ADAM9: variants seen among roughly 807,000 people sequenced by gnomAD.
ADAM9 encodes the protein disintegrin and metalloproteinase domain-containing protein 9.
A neutral mutation model predicts 108.1 loss-of-function variants in ADAM9; 54 were observed. The observed-to-expected ratio is 0.50, with a 90% CI of 0.40 to 0.63. ADAM9 has a LOEUF of 0.63. ADAM9 is among the 20% of genes least tolerant of loss of function. The pLI is 0.00. For synonymous variants in ADAM9, 316 were observed against 336.0 expected (o/e 0.94, Z 0.65); for missense variants, 830 against 997.7 (o/e 0.83, Z 2.26).
rs575748176 is a variant in ADAM9 at position 39,045,085 on chromosome 8, T to C, written c.1302+2968T>C. 3.2e-4 allele frequency among the ~76,000 whole-genome samples: 10 copies of C among 31,322 alleles called. 1 individual carries two copies. The highest frequency in any genetic ancestry group is 4.9e-3 in the East Asian group (2 of 406). The allele number at this position is 31,322 out of a possible 152,430, so 20.5% of individuals were successfully genotyped here. On this transcript the variant is annotated intron_variant, in intron 12 of 21. Transcript: ENST00000487273. Reference sequence around the variant, plus strand: ...GCATACATACATATGTGTGTGTGCATACATACATATGTGTGTGTGCATACA... The same window carrying C: ...GCATACATACATATGTGTGTGTGCACACATACATATGTGTGTGTGCATACA...
intron 15 of ADAM9, among the ~76,000 whole-genome samples, chr8:39,076,575 A>G (rs958042900): frequency 1.3e-5 from 2 of 152,222 alleles, no homozygotes; most frequent in East Asian, 1.9e-4. Context: ...TCAGTTAAAC[A>G]GGAAATCTCA....
intron 11 of ADAM9, among the ~76,000 whole-genome samples, chr8:39,032,261 A>G (rs533120943): frequency 3.7e-4 from 57 of 152,356 alleles, no homozygotes; most frequent in African/African-American, 1.3e-3. Flanking sequence ...TTGTTTAGCT[A>G]TGCCCTGCCC....
At chr8:39,065,736 T>C (rs1838447146) in intron 14 of ADAM9, among the ~76,000 whole-genome samples, 2 of 151,902 alleles carry the variant, frequency 1.3e-5, no homozygotes, top group African/African-American at 4.8e-5. Flanking sequence ...TTTGTCAGTA[T>C]GTTAATGATA....
chr8:39,086,268 G>A (rs1839179027), intron 18 of ADAM9, among the ~76,000 whole-genome samples: 1 of 152,142 alleles, frequency 6.6e-6, no homozygotes, highest in Non-Finnish European at 1.5e-5. Context: ...ACCCACCTCA[G>A]CCTCCCAAAG....
intron 12 of ADAM9, among the ~76,000 whole-genome samples, chr8:39,045,260 A>C (rs1359354339): frequency 6.8e-6 from 1 of 146,620 alleles, no homozygotes; most frequent in Non-Finnish European, 1.5e-5. Context: ...ATATGTGTAT[A>C]TATGTGTATA....
In ADAM9 at chr8:39,017,364, A is replaced by G. The variant is rs1313229289; in HGVS notation, c.556A>G (p.Thr186Ala). The G allele has an allele frequency of 5.6e-6, 9 of 1,614,012 alleles. No homozygotes were observed. The African/African-American group carries it at 1.1e-4, about 19-fold the overall frequency. ...TTCCAACAAGGATATAGAGAAAGAA[A>G]CTGCAAAGGATGAAGAGGAAGAGCC... ...GVSNKDIEKE[T>A]AKDEEEEPPS... Residue 186 changes from threonine (T) to alanine (A), a missense_variant, in exon 6 of 22, where the codon ACT becomes GCT. Thr to Ala is a moderately conservative substitution (Grantham distance 58, BLOSUM62 0). Transcript: ENST00000487273.
At chr8:39,045,419 T>TAC (rs372897109) in intron 12 of ADAM9, among the ~76,000 whole-genome samples, 10 of 79,102 alleles carry the variant, frequency 1.3e-4, no homozygotes, top group East Asian at 3.9e-4. Context: ...TGCGCGTGTG[T>TAC]ACACACACCT....
At chr8:38,997,889 T>C (rs996308830) in intron 1 of ADAM9, among the ~76,000 whole-genome samples, 4 of 152,258 alleles carry the variant, frequency 2.6e-5, no homozygotes, top group African/African-American at 9.6e-5. Flanking sequence ...TTGTAGGAAT[T>C]AAATCATTTG....
rs753431861 is a variant in ADAM9, at chr8:39,077,290, T to C, written c.1760T>C (p.Val587Ala). 2 of 1,614,188 alleles carry C rather than the reference T, an allele frequency of 1.2e-6. No homozygotes were observed. Among genetic ancestry groups the C allele is most frequent in the Non-Finnish European group, 1.7e-6 (2 of 1,179,996 alleles). ...NVQEIPVFGI[V>A]PAIIQTPSRG... is the part of the protein sequence containing the mutation. Reference sequence around the variant, plus strand: ...CAAGAGATACCTGTATTTGGAATTGTGCCTGCTATTATTCAAACGCCTAGT... The same window carrying C: ...CAAGAGATACCTGTATTTGGAATTGCGCCTGCTATTATTCAAACGCCTAGT... Residue 587 changes from valine to alanine, a missense_variant, in exon 16 of 22, where the codon GTG becomes GCG. By Grantham distance (64) the Val-to-Ala change is moderately conservative. Around this residue, in one of 3 missense-constraint regions of ADAM9, gnomAD observed 381 missense variants for 539.8 expected, o/e 0.71. Coordinates refer to ENST00000487273, the MANE Select transcript of ADAM9 (RefSeq NM_003816.3).
At chr8:39,078,657 T>G (rs911341358) in intron 16 of ADAM9, among the ~76,000 whole-genome samples, 2 of 152,150 alleles carry the variant, frequency 1.3e-5, no homozygotes, top group Admixed American at 6.6e-5. Context: ...GGTGCATGCC[T>G]GTAGTCCTAA....
chr8:39,005,612 A>T (rs1422669582), intron 1 of ADAM9, among the ~76,000 whole-genome samples: 1 of 152,228 alleles, frequency 6.6e-6, no homozygotes, highest in Non-Finnish European at 1.5e-5. Context: ...GCAGTTAGAG[A>T]TCACTGATTG....
chr8:39,084,333 C>CTTT (rs78636829), intron 18 of ADAM9, among the ~76,000 whole-genome samples: 2 of 140,222 alleles, frequency 1.4e-5, no homozygotes, highest in Admixed American at 7.1e-5. Flanking sequence ...ATGAGGTCAT[C>CTTT]TTTTTTTTTT....
chr8:39,032,120 G>GTCCCT (rs1837115339), intron 11 of ADAM9, among the ~76,000 whole-genome samples: 1 of 152,244 alleles, frequency 6.6e-6, no homozygotes, highest in East Asian at 1.9e-4. Context: ...TAGGCTACAT[G>GTCCCT]GGTGTCAGGG....
intron 20 of ADAM9, among the ~76,000 whole-genome samples, chr8:39,100,390 G>T (rs1303449045): frequency 6.6e-6 from 1 of 151,796 alleles, no homozygotes; most frequent in Non-Finnish European, 1.5e-5. Context: ...CTACTCGGGA[G>T]GCTGAGGCAG....
chr8:39,024,878 A>C (rs1425579954), intron 9 of ADAM9, among the ~76,000 whole-genome samples: 1 of 152,202 alleles, frequency 6.6e-6, no homozygotes, highest in African/African-American at 2.4e-5. Context: ...AATTTTAGAT[A>C]AAAGTTTAGA....
intron 14 of ADAM9, among the ~76,000 whole-genome samples, chr8:39,065,200 G>T: frequency 1.4e-5 from 2 of 140,522 alleles, no homozygotes; most frequent in African/African-American, 2.8e-5. Flanking sequence ...CTTTTTATCT[G>T]TGTTTTTTTT....
intron 11 of ADAM9, among the ~76,000 whole-genome samples, chr8:39,030,472 T>C (rs1451520445): frequency 6.6e-6 from 1 of 152,240 alleles, no homozygotes; most frequent in Non-Finnish European, 1.5e-5. Context: ...ATTGTTTGGA[T>C]GTACCACAGT....
chr8:39,085,993 G>GT (rs879500840), intron 18 of ADAM9, among the ~76,000 whole-genome samples: 136 of 149,252 alleles, frequency 9.1e-4, no homozygotes, highest in African/African-American at 3.1e-3. Context: ...TTTTATTTTT[G>GT]TTTTTTTTTC....
intron 13 of ADAM9, 30 bp downstream of exon 13, chr8:39,054,603 A>AG (rs1838058844): frequency 7.3e-6 from 2 of 275,636 alleles, no homozygotes; most frequent in East Asian, 1.1e-4. Flanking sequence ...TGGAAACAGG[A>AG]AAAAAAAAAA....
Sources: allele counts gnomAD v4.1 joint callset (sites outside exome capture counted in the v4.1 genomes callset), GRCh38; gene constraint gnomAD v4.1.1; regional missense constraint gnomAD v4.1.1; transcripts MANE v1.5; gene names NCBI Gene and HGNC (gene_info 2026-07-23, HGNC 2026-07-21).